The following RTTN variants were observed in gnomAD, a reference collection of about 807,000 sequenced individuals.
The protein encoded by RTTN is rotatin.
In RTTN, 182 loss-of-function variants were observed where a neutral mutation model predicts 269.2. That is an observed-to-expected ratio of 0.68 (90% CI 0.60 to 0.76). The LOEUF (loss-of-function observed/expected upper bound fraction) is 0.76, where lower values mean the gene tolerates loss of function less well. Ranked by LOEUF, RTTN falls within the 30% of genes least tolerant of loss-of-function variation. RTTN has a pLI of 0.00. For missense variants in RTTN, 2,545 were observed against 2,608.6 expected (o/e 0.98, Z 0.53); for synonymous variants, 1,006 against 963.5 (o/e 1.04, Z -0.82).
intron 40 of RTTN, among the ~76,000 whole-genome samples, chr18:70,045,673 A>C (rs991679032): frequency 8.5e-5 from 13 of 152,204 alleles, no homozygotes; most frequent in Non-Finnish European, 1.8e-4. Flanking sequence ...ACATTTTGTC[A>C]TGAGTGTGCC....
intron 37 of RTTN, among the ~76,000 whole-genome samples, chr18:70,057,027 T>C (rs966671119): frequency 1.4e-4 from 21 of 152,234 alleles, no homozygotes; most frequent in African/African-American, 5.1e-4. Flanking sequence ...GTGAAAACAC[T>C]GCACCAGGAC....
intron 44 of RTTN, among the ~76,000 whole-genome samples, chr18:70,021,321 A>C (rs1568251476): frequency 6.6e-6 from 1 of 152,232 alleles, no homozygotes; most frequent in Non-Finnish European, 1.5e-5. Flanking sequence ...AGGAGCCAAA[A>C]GTGGCATCTA....
At chr18:70,009,913 A>G (rs894130181) in intron 46 of RTTN, among the ~76,000 whole-genome samples, 120 of 151,374 alleles carry the variant, frequency 7.9e-4, no homozygotes, top group Non-Finnish European at 8.3e-4. Flanking sequence ...AGCAGGGGAG[A>G]AAAAAAAAGC....
rs544041161 is a variant in RTTN, at chr18:70,069,028, G to A, written c.4654-3106C>T. ...AGGGGATAGGAGCTGGGGAAAAGGG[G>A]AGATGTTTGGTCAAAGAGTGCAAAC... On this transcript the variant is annotated intron_variant, in intron 34 of 48. Coordinates refer to ENST00000640769, the MANE Select transcript of RTTN (RefSeq NM_173630.4). Among the ~76,000 whole-genome samples, 56 of 152,312 alleles carry A rather than the reference G, an allele frequency of 3.7e-4. No homozygotes were observed. The South Asian group carries it at 0.011, about 31-fold the overall frequency.
intron 28 of RTTN, among the ~76,000 whole-genome samples, chr18:70,093,274 A>C (rs969552650): frequency 6.6e-6 from 1 of 150,732 alleles, no homozygotes; most frequent in Non-Finnish European, 1.5e-5. Flanking sequence ...AAAAAAAAAA[A>C]GATGTGTGGT....
chr18:70,131,279 G>A (rs2059992426), intron 23 of RTTN: 1 of 150,672 alleles, frequency 6.6e-6, no homozygotes, highest in African/African-American at 2.4e-5. Context: ...TAACAGAAAC[G>A]ACCACGGTAT....
chr18:70,102,243 T>A (rs1208106230), intron 28 of RTTN, among the ~76,000 whole-genome samples: 1 of 152,230 alleles, frequency 6.6e-6, no homozygotes, highest in African/African-American at 2.4e-5. Flanking sequence ...GGACTTGCTT[T>A]ATGAATCTGG....
intron 11 of RTTN, among the ~76,000 whole-genome samples, chr18:70,172,453 A>G (rs2061167479): frequency 6.6e-6 from 1 of 152,180 alleles, no homozygotes; most frequent in African/African-American, 2.4e-5. Flanking sequence ...CATTTATATA[A>G]ACCAAAGAAG....
Position 70,100,955 on chromosome 18 carries a change from C to T in RTTN, c.3904-8151G>A, listed in dbSNP as rs182677482. Among the ~76,000 whole-genome samples the T allele has an allele frequency of 0.011, 1,674 of 152,222 alleles. 140 individuals are homozygous for T. In the East Asian group the frequency reaches 0.22, roughly 20 times the overall value. On this transcript the variant is annotated intron_variant, in intron 28 of 48. Transcript: ENST00000640769. The stretch of plus-strand genomic sequence containing the variant: ...CTTGATCATGGTGGATAAGCTTTTT[C>T]ATGTGCTGCTGGATTCAGTTTGCCA...
At chr18:70,117,118 G>A (rs753370047) in intron 26 of RTTN, among the ~76,000 whole-genome samples, 17 of 152,076 alleles carry the variant, frequency 1.1e-4, no homozygotes, top group South Asian at 2.1e-4. Context: ...ATCTTCCCTC[G>A]GGAAGTTAGC....
chr18:70,069,822 G>GA (rs1008797712), intron 34 of RTTN, among the ~76,000 whole-genome samples: 1 of 151,958 alleles, frequency 6.6e-6, no homozygotes, highest in Non-Finnish European at 1.5e-5. Context: ...ATTGTAGTGT[G>GA]AAAAAAATAA....
At position 70,004,117 on chromosome 18, in the gene RTTN, A is replaced by G; in HGVS notation, c.*34T>C. ...TTCAACTTTAGCTCCCCTGTTGATG[A>G]CTGTCAGCTTCAAGGTGTAGCATCC... On this transcript the variant is annotated 3_prime_UTR_variant, in exon 49 of 49. Coordinates refer to ENST00000640769, the MANE Select transcript of RTTN (RefSeq NM_173630.4). 1 of 1,539,560 alleles carries G rather than the reference A, an allele frequency of 6.5e-7. No individual in the cohort carries two copies. The highest frequency in any genetic ancestry group is 9.0e-7 in the Non-Finnish European group (1 of 1,112,618).
intron 7 of RTTN, among the ~76,000 whole-genome samples, chr18:70,195,949 C>T (rs902049924): frequency 1.3e-5 from 2 of 152,112 alleles, no homozygotes; most frequent in African/African-American, 4.8e-5. Flanking sequence ...ATTTGACTTT[C>T]GATGCAGGTT....
At chr18:70,087,488 T>C (rs910428904) in intron 31 of RTTN, among the ~76,000 whole-genome samples, 2 of 152,110 alleles carry the variant, frequency 1.3e-5, no homozygotes, top group Admixed American at 1.3e-4. Flanking sequence ...CATAAGCCTC[T>C]AAGTACAATT....
At chr18:70,058,542 A>G (rs1333631847) in intron 36 of RTTN, among the ~76,000 whole-genome samples, 1 of 152,210 alleles carries the variant, frequency 6.6e-6, no homozygotes, top group Non-Finnish European at 1.5e-5. Flanking sequence ...ATAAAAAAAT[A>G]AAAATAAAGT....
At chr18:70,107,193 C>G (rs1251788551) in intron 28 of RTTN, among the ~76,000 whole-genome samples, 1 of 152,138 alleles carries the variant, frequency 6.6e-6, no homozygotes, top group African/African-American at 2.4e-5. Flanking sequence ...AGCTATGCCC[C>G]AAGGAGAGCA....
chr18:70,196,781 T>C, intron 6 of RTTN, 133 bp from the exon 7 acceptor site: 1 of 816,018 alleles, frequency 1.2e-6, no homozygotes, highest in South Asian at 1.8e-5. Context: ...TTGTAAGACA[T>C]AAGAAACTGA....
At chr18:70,153,316 T>C (rs1162829565) in intron 14 of RTTN, among the ~76,000 whole-genome samples, 5 of 152,012 alleles carry the variant, frequency 3.3e-5, no homozygotes, top group Admixed American at 1.3e-4. Flanking sequence ...CACATACACA[T>C]ACATACTTTT....
intron 2 of RTTN, 37 bp from the exon 3 acceptor site, chr18:70,204,300 A>G: frequency 6.5e-7 from 1 of 1,541,692 alleles, no homozygotes; most frequent in Non-Finnish European, 8.8e-7. Context: ...GAATAACTGT[A>G]TCAAAATCTC....
Sources: gnomAD v4.1 joint callset for allele counts (sites outside exome capture counted in the v4.1 genomes callset) on GRCh38, gnomAD v4.1.1 for gene constraint, MANE v1.5 for transcripts, NCBI Gene and HGNC (gene_info 2026-07-23, HGNC 2026-07-21) for gene names.